The following NAALADL2 variants were observed in gnomAD, a reference collection of about 807,000 sequenced individuals.
NAALADL2 encodes N-acetylated alpha-linked acidic dipeptidase like 2.
Under a neutral mutation model 87.2 loss-of-function variants are expected in NAALADL2, and 76 were observed. The ratio of observed to expected loss-of-function variants is 0.87; its 90% CI spans 0.72 to 1.05. NAALADL2 has a LOEUF of 1.05. NAALADL2 is among the 50% of genes least tolerant of loss of function. NAALADL2 has a pLI of 0.00. For missense variants in NAALADL2, 1,089 were observed against 945.8 expected (o/e 1.15, Z -1.99); for synonymous variants, 354 against 331.0 (o/e 1.07, Z -0.75).
At chr3:175,120,163 A>T (rs1330767414) in intron 2 of NAALADL2, among the ~76,000 whole-genome samples, 1 of 151,644 alleles carries the variant, frequency 6.6e-6, no homozygotes, top group Non-Finnish European at 1.5e-5. Context: ...CCTAAGACTG[A>T]GAAAAAGATG....
chr3:175,219,360 A>C (rs1456965955), intron 2 of NAALADL2, among the ~76,000 whole-genome samples: 1 of 152,058 alleles, frequency 6.6e-6, no homozygotes, highest in Non-Finnish European at 1.5e-5. Flanking sequence ...GACCACCTTA[A>C]ATCTTTTTGC....
intron 11 of NAALADL2, among the ~76,000 whole-genome samples, chr3:175,682,935 T>C: frequency 6.6e-6 from 1 of 151,930 alleles, no homozygotes; most frequent in South Asian, 2.1e-4. Flanking sequence ...GGGAAACATA[T>C]AACAAAATTA....
intron 3 of NAALADL2, among the ~76,000 whole-genome samples, chr3:174,755,292 T>C (rs1370882762): frequency 6.6e-6 from 1 of 152,150 alleles, no homozygotes; most frequent in African/African-American, 2.4e-5. Context: ...CAACTAAACC[T>C]CATTTTTTAA....
chr3:174,720,218 T>G (rs1177617284), intron 2 of NAALADL2, among the ~76,000 whole-genome samples: 2 of 152,214 alleles, frequency 1.3e-5, no homozygotes, highest in Non-Finnish European at 2.9e-5. Flanking sequence ...AAACTTTTAT[T>G]AAAGTAACTT....
intron 9 of NAALADL2, among the ~76,000 whole-genome samples, chr3:175,513,423 G>T (rs1731427981): frequency 6.6e-6 from 1 of 152,090 alleles, no homozygotes; most frequent in Non-Finnish European, 1.5e-5. Flanking sequence ...CAGCATAAAA[G>T]AACATTTTCA....
At chr3:175,428,915 C>A (rs1717268920) in intron 5 of NAALADL2, among the ~76,000 whole-genome samples, 1 of 151,844 alleles carries the variant, frequency 6.6e-6, no homozygotes, top group East Asian at 1.9e-4. Context: ...CTGGCTTGTT[C>A]CTTACTCAGC....
intron 2 of NAALADL2, among the ~76,000 whole-genome samples, chr3:175,224,143 C>T (rs2039340020): frequency 6.6e-6 from 1 of 151,956 alleles, no homozygotes; most frequent in South Asian, 2.1e-4. Context: ...TGTCAGAGCC[C>T]ACTGAGGCCT....
chr3:174,673,445 A>G (rs1726756977), intron 2 of NAALADL2, among the ~76,000 whole-genome samples: 1 of 152,116 alleles, frequency 6.6e-6, no homozygotes, highest in South Asian at 2.1e-4. Context: ...ATGAATGAAG[A>G]TAATGTGGTA....
intron 11 of NAALADL2, among the ~76,000 whole-genome samples, chr3:175,693,989 G>A (rs1737402628): frequency 6.6e-6 from 1 of 152,106 alleles, no homozygotes; most frequent in African/African-American, 2.4e-5. Flanking sequence ...CACCGTGCCT[G>A]GCCAGTCTGA....
rs377614006 is a variant in NAALADL2, at chr3:175,171,240, C to G, written c.546-62691C>G. On this transcript the variant is annotated intron_variant, in intron 2 of 13. Transcript: ENST00000454872. ...GTCAGAAACTTATATTACAGAGAAG[C>G]AGTGTATACTGGACACTGAAAGACT... Among the ~76,000 whole-genome samples, 5 of 152,050 alleles carry G rather than the reference C, an allele frequency of 3.3e-5. No homozygotes were observed. The South Asian group carries it at 1.0e-3, about 32-fold the overall frequency.
chr3:175,432,678 G>A (rs1360466931), intron 5 of NAALADL2, among the ~76,000 whole-genome samples: 4 of 151,922 alleles, frequency 2.6e-5, no homozygotes, highest in African/African-American at 9.7e-5. Flanking sequence ...GAAAAACCCT[G>A]TCAAAGCCAG....
chr3:174,863,682 G>A (rs965309992), intron 1 of NAALADL2: 11 of 170,916 alleles, frequency 6.4e-5, no homozygotes, highest in Non-Finnish European at 1.2e-4. Context: ...TACTGGTTTG[G>A]TGTGCATGCT....
At chr3:174,901,655 T>C (rs1350219942) in intron 1 of NAALADL2, among the ~76,000 whole-genome samples, 1 of 152,160 alleles carries the variant, frequency 6.6e-6, no homozygotes, top group Non-Finnish European at 1.5e-5. Context: ...TCTAGCCAGC[T>C]GCAAAATCCA....
chr3:174,555,741 C>T (rs898193830), intron 2 of NAALADL2, among the ~76,000 whole-genome samples: 5 of 152,158 alleles, frequency 3.3e-5, no homozygotes, highest in Non-Finnish European at 5.9e-5. Flanking sequence ...CCATTCCATC[C>T]TTCTGGGTAT....
At chr3:175,793,950 G>A (rs1753141936) in intron 13 of NAALADL2, among the ~76,000 whole-genome samples, 2 of 152,144 alleles carry the variant, frequency 1.3e-5, no homozygotes, top group African/African-American at 4.8e-5. Flanking sequence ...TTTGGCTTTA[G>A]AGTGAACTTC....
At chr3:175,148,111 T>C (rs1580695470) in intron 2 of NAALADL2, among the ~76,000 whole-genome samples, 2 of 146,324 alleles carry the variant, frequency 1.4e-5, no homozygotes, top group Admixed American at 1.4e-4. Flanking sequence ...ATAATAATAA[T>C]AATAATAATA....
intron 13 of NAALADL2, among the ~76,000 whole-genome samples, chr3:175,765,291 T>C (rs1748543036): frequency 6.6e-6 from 1 of 152,124 alleles, no homozygotes; most frequent in South Asian, 2.1e-4. Context: ...ATACATACAC[T>C]AGTTTTATAA....
chr3:175,372,096 A>T (rs2862046), intron 5 of NAALADL2, among the ~76,000 whole-genome samples: 76,991 of 151,958 alleles, frequency 0.51, 19,836 homozygotes, highest in East Asian at 0.66. Context: ...GGAGTTCACA[A>T]AATTTTTTTT....
intron 11 of NAALADL2, among the ~76,000 whole-genome samples, chr3:175,667,227 GAAAGAA>G (rs1323664506): frequency 2.4e-4 from 30 of 126,922 alleles, no homozygotes; most frequent in Non-Finnish European, 3.9e-4. Flanking sequence ...AAGAAAGAAA[GAAAGAA>G]AGAAAGAAAA....
Sources: gnomAD v4.1 joint callset for allele counts (sites outside exome capture counted in the v4.1 genomes callset) on GRCh38, gnomAD v4.1.1 for gene constraint, MANE v1.5 for transcripts, NCBI Gene and HGNC (gene_info 2026-07-23, HGNC 2026-07-21) for gene names.